Variants in BMP5 observed in about 807,000 individuals in gnomAD.
BMP5 encodes the protein bone morphogenetic protein 5.
In BMP5, 23 loss-of-function variants were observed where a neutral mutation model predicts 46.6. The ratio of observed to expected loss-of-function variants is 0.49; its 90% CI spans 0.35 to 0.70. The LOEUF is 0.70. Among genes scored for constraint, BMP5 ranks in the 30% least tolerant of loss-of-function variants. The pLI, the probability that BMP5 is intolerant of heterozygous loss-of-function variation, is 0.00. For synonymous variants in BMP5, 204 were observed against 191.9 expected (o/e 1.06, Z -0.52); for missense variants, 545 against 565.6 (o/e 0.96, Z 0.37).
intron 1 of BMP5, among the ~76,000 whole-genome samples, chr6:55,831,534 C>A (rs1776664026): frequency 6.6e-6 from 1 of 151,866 alleles, no homozygotes; most frequent in African/African-American, 2.4e-5. Context: ...GCTAAAACAT[C>A]TCTTGGAAGT....
At chr6:55,864,434 T>C (rs2127554597) in intron 1 of BMP5, among the ~76,000 whole-genome samples, 1 of 152,294 alleles carries the variant, frequency 6.6e-6, no homozygotes, top group Middle Eastern at 3.4e-3. Flanking sequence ...CAGGCTGTAA[T>C]AAGTCCAGTC....
At chr6:55,816,828 T>C (rs1582089338) in intron 2 of BMP5, among the ~76,000 whole-genome samples, 4 of 152,112 alleles carry the variant, frequency 2.6e-5, no homozygotes, top group Admixed American at 2.6e-4. Context: ...TGTGTGTGTG[T>C]GTGTGTTGTC....
intron 1 of BMP5, among the ~76,000 whole-genome samples, chr6:55,847,151 G>A (rs1336206595): frequency 1.3e-5 from 2 of 151,902 alleles, no homozygotes; most frequent in African/African-American, 2.4e-5. Flanking sequence ...GTTTGCCCAA[G>A]TTAGCACAGC....
intron 2 of BMP5, among the ~76,000 whole-genome samples, chr6:55,794,713 T>C (rs1309328901): frequency 6.6e-6 from 1 of 152,170 alleles, no homozygotes; most frequent in Non-Finnish European, 1.5e-5. Flanking sequence ...ATTTGATCCC[T>C]GGTCATCAGT....
intron 4 of BMP5, among the ~76,000 whole-genome samples, chr6:55,770,690 G>A (rs941781086): frequency 7.6e-4 from 115 of 151,972 alleles, no homozygotes; most frequent in African/African-American, 2.5e-3. Flanking sequence ...CTCAATAAGC[G>A]TAATCATTAC....
At chr6:55,781,660 C>T (rs1022760224) in intron 3 of BMP5, among the ~76,000 whole-genome samples, 22 of 148,002 alleles carry the variant, frequency 1.5e-4, no homozygotes, top group Admixed American at 1.4e-3. Flanking sequence ...CAGGCTGGAG[C>T]GCAGTGATGT....
chr6:55,807,033 C>T (rs1431282466), intron 2 of BMP5, among the ~76,000 whole-genome samples: 1 of 152,138 alleles, frequency 6.6e-6, no homozygotes. Flanking sequence ...AATTTGACCT[C>T]CTCTCTTCCT....
At chr6:55,869,357 C>A (rs779615405) in intron 1 of BMP5, among the ~76,000 whole-genome samples, 1 of 152,090 alleles carries the variant, frequency 6.6e-6, no homozygotes, top group Non-Finnish European at 1.5e-5. Flanking sequence ...TCATTTCATT[C>A]CTTTTCTTTC....
intron 1 of BMP5, among the ~76,000 whole-genome samples, chr6:55,836,226 T>A (rs1776790375): frequency 6.6e-6 from 1 of 152,170 alleles, no homozygotes; most frequent in Non-Finnish European, 1.5e-5. Flanking sequence ...CACATTGTTT[T>A]ATTAAGTACT....
In BMP5 at chr6:55,854,751, CTA is replaced by C. The variant is rs551725081; in HGVS notation, c.490+19623_490+19624del. On this transcript the variant is annotated intron_variant, in intron 1 of 6. Transcript: ENST00000370830. ...CTAAAATTAAATCATCCTTTCATTT[CTA>C]GAATTAAAATCAATTGATAAAGACA... Among the ~76,000 whole-genome samples the C allele has an allele frequency of 1.3e-4, 20 of 152,084 alleles. No homozygotes were observed. The South Asian group carries it at 4.1e-3, about 31-fold the overall frequency.
intron 1 of BMP5, among the ~76,000 whole-genome samples, chr6:55,836,631 T>TACACAC (rs61358651): frequency 0.023 from 3,158 of 139,564 alleles, 50 homozygotes; most frequent in Middle Eastern, 0.074. Flanking sequence ...CATACATACA[T>TACACAC]ACACACACAC....
rs577309133 is a variant in BMP5 at position 55,846,419 on chromosome 6, A to C, written c.491-26572T>G. ...ACTTACATTATTAGAGAGAGATGCC[A>C]CCCAAAGTAGTTTAGAAAAGATGGC... On this transcript the variant is annotated intron_variant, in intron 1 of 6. Coordinates refer to ENST00000370830, the MANE Select transcript of BMP5 (RefSeq NM_021073.4). 1.2e-4 allele frequency among the ~76,000 whole-genome samples: 18 copies of C among 152,102 alleles called. No homozygotes were observed. In the South Asian group the frequency reaches 3.7e-3, roughly 32 times the overall value.
intron 2 of BMP5, among the ~76,000 whole-genome samples, chr6:55,816,502 C>A (rs904702009): frequency 6.6e-6 from 1 of 151,930 alleles, no homozygotes; most frequent in Admixed American, 6.6e-5. Context: ...ATGCCTGGCC[C>A]TATAAGAAAA....
At chr6:55,793,177 A>G (rs1191279868) in intron 3 of BMP5, among the ~76,000 whole-genome samples, 1 of 152,164 alleles carries the variant, frequency 6.6e-6, no homozygotes, top group Non-Finnish European at 1.5e-5. Flanking sequence ...AAAGATCTGA[A>G]TATATTGGCC....
intron 1 of BMP5, among the ~76,000 whole-genome samples, chr6:55,827,126 G>T (rs1175034060): frequency 6.6e-6 from 1 of 151,710 alleles, no homozygotes; most frequent in African/African-American, 2.4e-5. Context: ...GAACACACTT[G>T]CAGATGAACA....
chr6:55,804,834 G>T (rs140967414), intron 2 of BMP5, among the ~76,000 whole-genome samples: 9 of 152,210 alleles, frequency 5.9e-5, no homozygotes, highest in African/African-American at 2.2e-4. Flanking sequence ...CATGTAAAGG[G>T]ATTTTTAATG....
chr6:55,853,152 TAA>T (rs1193070202), intron 1 of BMP5, among the ~76,000 whole-genome samples: 1 of 21,010 alleles, frequency 4.8e-5, no homozygotes, highest in Non-Finnish European at 8.2e-5. Flanking sequence ...TAAAATAAAA[TAA>T]AATAAAATAA....
chr6:55,759,381 A>G (rs1255648528), intron 5 of BMP5, among the ~76,000 whole-genome samples: 2 of 151,574 alleles, frequency 1.3e-5, no homozygotes, highest in African/African-American at 4.8e-5. Flanking sequence ...CTCTCTAATT[A>G]CTCCCAAGGG....
chr6:55,787,780 T>G (rs970045462), intron 3 of BMP5, among the ~76,000 whole-genome samples: 4 of 151,656 alleles, frequency 2.6e-5, no homozygotes, highest in African/African-American at 9.7e-5. Flanking sequence ...CAAAAGACTT[T>G]ATTTGAAGTT....
Sources: gnomAD v4.1 joint callset for allele counts (sites outside exome capture counted in the v4.1 genomes callset) on GRCh38, gnomAD v4.1.1 for gene constraint, MANE v1.5 for transcripts, NCBI Gene and HGNC (gene_info 2026-07-23, HGNC 2026-07-21) for gene names.